Variants in MGAT4C observed in about 807,000 individuals in gnomAD.
The protein encoded by MGAT4C is MGAT4 family member C.
A neutral mutation model predicts 40.1 loss-of-function variants in MGAT4C; 19 were observed. The observed-to-expected ratio is 0.47, with a 90% CI of 0.33 to 0.70. MGAT4C has a LOEUF of 0.70. Among genes scored for constraint, MGAT4C ranks in the 30% least tolerant of loss-of-function variants. The pLI is 0.02. For synonymous variants in MGAT4C, 181 were observed against 187.1 expected, an observed-to-expected ratio of 0.97 and a Z score of 0.27; for missense variants, 491 against 563.2, an observed-to-expected ratio of 0.87 and a Z score of 1.30.
intron 1 of MGAT4C, among the ~76,000 whole-genome samples, chr12:86,834,077 C>T (rs943254986): frequency 6.6e-6 from 1 of 151,548 alleles, no homozygotes; most frequent in African/African-American, 2.4e-5. Flanking sequence ...ATTCATTCAA[C>T]GATGGATACC....
intron 2 of MGAT4C, among the ~76,000 whole-genome samples, chr12:86,536,483 G>A (rs1017152583): frequency 1.8e-4 from 28 of 152,080 alleles, no homozygotes; most frequent in African/African-American, 6.0e-4. Context: ...CTTAAAATGA[G>A]TCTTCAGTTA....
At chr12:86,793,829 C>G (rs1952067848) in intron 1 of MGAT4C, among the ~76,000 whole-genome samples, 1 of 151,914 alleles carries the variant, frequency 6.6e-6, no homozygotes. Context: ...TAGTTGTTGA[C>G]AATTATATTT....
At chr12:86,773,108 G>C (rs1012626676) in intron 1 of MGAT4C, among the ~76,000 whole-genome samples, 3 of 152,096 alleles carry the variant, frequency 2.0e-5, no homozygotes, top group Admixed American at 6.6e-5. Flanking sequence ...TTAATCCCTA[G>C]TACCACAGAA....
intron 3 of MGAT4C, among the ~76,000 whole-genome samples, chr12:86,364,881 G>A (rs1432606712): frequency 6.6e-6 from 1 of 152,198 alleles, no homozygotes; most frequent in Non-Finnish European, 1.5e-5. Context: ...GGCAGGGTGA[G>A]ATCACAGGAC....
chr12:86,077,328 C>T (rs1869925164), intron 1 of MGAT4C, among the ~76,000 whole-genome samples: 1 of 152,162 alleles, frequency 6.6e-6, no homozygotes, highest in African/African-American at 2.4e-5. Flanking sequence ...ACCAGAAATG[C>T]ACCATTTCCC....
chr12:86,399,471 C>T (rs1592791802), intron 3 of MGAT4C, among the ~76,000 whole-genome samples: 3 of 151,256 alleles, frequency 2.0e-5, no homozygotes, highest in African/African-American at 4.9e-5. Flanking sequence ...TTAGTAGAAA[C>T]GGGGTTTCAC....
At chr12:86,066,666 T>G (rs973136423) in intron 1 of MGAT4C, among the ~76,000 whole-genome samples, 12 of 152,060 alleles carry the variant, frequency 7.9e-5, no homozygotes, top group Admixed American at 7.9e-4. Flanking sequence ...ACCTCATGAC[T>G]AAAACACCAA....
intron 1 of MGAT4C, among the ~76,000 whole-genome samples, chr12:86,149,456 T>G (rs1315310416): frequency 6.6e-6 from 1 of 152,230 alleles, no homozygotes; most frequent in African/African-American, 2.4e-5. Flanking sequence ...TAAGTTTTCT[T>G]GTGTCACTTC....
chr12:86,589,402 C>A (rs1961221212), intron 2 of MGAT4C, among the ~76,000 whole-genome samples: 1 of 152,002 alleles, frequency 6.6e-6, no homozygotes, highest in Non-Finnish European at 1.5e-5. Flanking sequence ...GAAATTGTGG[C>A]AATAATCAAT....
intron 2 of MGAT4C, among the ~76,000 whole-genome samples, chr12:86,011,300 G>A (rs1273162234): frequency 1.3e-5 from 2 of 152,142 alleles, no homozygotes; most frequent in East Asian, 3.8e-4. Context: ...GCAGGTTTAT[G>A]AATTCACTTC....
intron 1 of MGAT4C, among the ~76,000 whole-genome samples, chr12:86,139,755 G>T (rs555899819): frequency 4.6e-5 from 7 of 152,156 alleles, no homozygotes; most frequent in African/African-American, 1.7e-4. Flanking sequence ...TTGAGGATAT[G>T]ACTTAAGCTT....
In MGAT4C at chr12:86,765,767, A is replaced by G. The variant is rs1420539147; in HGVS notation, c.-261-38526T>C. 1.3e-5 allele frequency among the ~76,000 whole-genome samples: 2 copies of G among 152,288 alleles called. 1 individual carries two copies. The highest frequency in any genetic ancestry group is 4.1e-4 in the South Asian group (2 of 4,822). On this transcript the variant is annotated intron_variant, in intron 1 of 7. Coordinates refer to the MGAT4C transcript ENST00000548651. ...CAGAATTTCATATCCAGCCAAACTAAGCTTCATAAGTGAAGGAGAAATAAA... is the reference window on the plus strand; with the variant it reads ...CAGAATTTCATATCCAGCCAAACTAGGCTTCATAAGTGAAGGAGAAATAAA...
At chr12:86,311,450 G>T (rs1954070400) in intron 4 of MGAT4C, among the ~76,000 whole-genome samples, 1 of 143,508 alleles carries the variant, frequency 7.0e-6, no homozygotes, top group South Asian at 2.4e-4. Flanking sequence ...TTTTAAAAGG[G>T]TTTTAGGATT....
intron 3 of MGAT4C, among the ~76,000 whole-genome samples, chr12:86,414,606 A>G (rs1421676056): frequency 6.6e-6 from 1 of 151,750 alleles, no homozygotes; most frequent in African/African-American, 2.4e-5. Context: ...ACTTTTTTAG[A>G]GCCAAAATAA....
At chr12:86,466,389 A>G (rs895922745) in intron 2 of MGAT4C, among the ~76,000 whole-genome samples, 1 of 152,172 alleles carries the variant, frequency 6.6e-6, no homozygotes, top group Middle Eastern at 3.2e-3. Flanking sequence ...AGTTATGAAA[A>G]GATTTGGAGG....
chr12:86,443,538 G>C (rs569393033), intron 2 of MGAT4C, among the ~76,000 whole-genome samples: 4 of 152,234 alleles, frequency 2.6e-5, no homozygotes, highest in Admixed American at 2.6e-4. Context: ...CTGTGTAGGA[G>C]AGCCCAAATA....
At chr12:86,792,771 A>C (rs2136194506) in intron 1 of MGAT4C, among the ~76,000 whole-genome samples, 1 of 152,162 alleles carries the variant, frequency 6.6e-6, no homozygotes, top group African/African-American at 2.4e-5. Flanking sequence ...ATTTCCACTA[A>C]AAATACAAAA....
chr12:86,447,045 T>C (rs1217166475), intron 2 of MGAT4C, among the ~76,000 whole-genome samples: 4 of 152,116 alleles, frequency 2.6e-5, no homozygotes, highest in African/African-American at 9.7e-5. Context: ...TAAGGGATTG[T>C]AGAACAGTGA....
Position 86,229,257 on chromosome 12 carries a change from C to T in MGAT4C, c.-57+26982G>A, listed in dbSNP as rs118169619. On this transcript the variant is annotated intron_variant, in intron 1 of 4. Coordinates refer to ENST00000611864, the MANE Select transcript of MGAT4C (RefSeq NM_001351288.2). Reference sequence around the variant, plus strand: ...TTTAGAAATGCTTAATGTCTTAAAACATTGAATTGCAAGAATAATGCTTAA... The same window carrying T: ...TTTAGAAATGCTTAATGTCTTAAAATATTGAATTGCAAGAATAATGCTTAA... Among the ~76,000 whole-genome samples, 1,396 of 151,920 alleles carry T rather than the reference C, an allele frequency of 9.2e-3. 8 individuals are homozygous for T. Among genetic ancestry groups the T allele is most frequent in the Non-Finnish European group, 0.014 (922 of 67,802 alleles).
Sources: gnomAD v4.1 joint callset for allele counts (sites outside exome capture counted in the v4.1 genomes callset) on GRCh38, gnomAD v4.1.1 for gene constraint, MANE v1.5 for transcripts, NCBI Gene and HGNC (gene_info 2026-07-23, HGNC 2026-07-21) for gene names.